Variants in TGFBRAP1 observed in about 807,000 individuals in gnomAD.
TGFBRAP1 encodes transforming growth factor-beta receptor-associated protein 1.
TGFBRAP1 carries 20 observed loss-of-function variants against 83.2 expected under a neutral mutation model. The observed-to-expected ratio is 0.24, with a 90% confidence interval of 0.17 to 0.35. The LOEUF (loss-of-function observed/expected upper bound fraction) is 0.35. Among genes scored for constraint, TGFBRAP1 ranks in the 10% least tolerant of loss-of-function variants. The probability of loss-of-function intolerance (pLI) is 1.00; values close to 1 mark genes in which losing one functional copy is unlikely to be tolerated. For synonymous variants in TGFBRAP1, 415 were observed against 459.8 expected, an observed-to-expected ratio of 0.90 and a Z score of 1.25; for missense variants, 950 against 1,099.4, an observed-to-expected ratio of 0.86 and a Z score of 1.92.
At chr2:105,325,795 C>T (rs563113461) in intron 1 of TGFBRAP1, among the ~76,000 whole-genome samples, 2 of 152,276 alleles carry the variant, frequency 1.3e-5, no homozygotes, top group Admixed American at 6.5e-5. Context: ...ATGCTGGTCC[C>T]GTGTTCTTCT....
intron 1 of TGFBRAP1, among the ~76,000 whole-genome samples, chr2:105,308,969 G>A (rs1358636305): frequency 1.3e-5 from 2 of 152,162 alleles, no homozygotes; most frequent in Admixed American, 6.5e-5. Context: ...CCTCAGCTCC[G>A]GAGTAAATGT....
At chr2:105,314,248 T>C (rs1258897009) in intron 1 of TGFBRAP1, among the ~76,000 whole-genome samples, 1 of 140,950 alleles carries the variant, frequency 7.1e-6, no homozygotes, top group East Asian at 2.3e-4. Context: ...TAGTACTTTC[T>C]CTTTTTTTTT....
chr2:105,302,080 T>C (rs1678319395), intron 2 of TGFBRAP1, among the ~76,000 whole-genome samples: 1 of 149,988 alleles, frequency 6.7e-6, no homozygotes, highest in Admixed American at 6.6e-5. Flanking sequence ...GTAAATGGCT[T>C]TTAAACGTGA....
chr2:105,322,995 T>C (rs917304527), intron 1 of TGFBRAP1, among the ~76,000 whole-genome samples: 1 of 151,978 alleles, frequency 6.6e-6, no homozygotes, highest in African/African-American at 2.4e-5. Context: ...GCCATATAAT[T>C]AGGAGAGAAA....
At chr2:105,272,048 G>A (rs892747343) in intron 10 of TGFBRAP1, among the ~76,000 whole-genome samples, 5 of 152,244 alleles carry the variant, frequency 3.3e-5, no homozygotes, top group East Asian at 3.9e-4. Flanking sequence ...GAGACAACAC[G>A]TGTGTTAGAT....
chr2:105,268,426 C>A (rs1677023569), intron 11 of TGFBRAP1, among the ~76,000 whole-genome samples: 1 of 152,148 alleles, frequency 6.6e-6, no homozygotes, highest in African/African-American at 2.4e-5. Context: ...TATGAGATGG[C>A]TTCACCAAGG....
chr2:105,321,168 A>T (rs1975291), intron 1 of TGFBRAP1, among the ~76,000 whole-genome samples: 3,918 of 150,080 alleles, frequency 0.026, 55 homozygotes, highest in African/African-American at 0.031. Context: ...TTATTTATTT[A>T]TTTTTTTTTT....
chr2:105,290,616 AGTGTGTGT>A (rs3060065), intron 4 of TGFBRAP1, among the ~76,000 whole-genome samples: 40 of 140,096 alleles, frequency 2.9e-4, no homozygotes, highest in African/African-American at 6.9e-4. Flanking sequence ...ACAGAGAGAC[AGTGTGTGT>A]GTGTGTGTGT....
At chr2:105,283,613 G>A (rs1321768655) in intron 5 of TGFBRAP1, among the ~76,000 whole-genome samples, 1 of 152,224 alleles carries the variant, frequency 6.6e-6, no homozygotes, top group African/African-American at 2.4e-5. Context: ...TCTGCAAAGA[G>A]TGCTGAGCAA....
chr2:105,310,889 G>A (rs960739052), intron 1 of TGFBRAP1, among the ~76,000 whole-genome samples: 1 of 152,086 alleles, frequency 6.6e-6, no homozygotes, highest in Non-Finnish European at 1.5e-5. Context: ...GGAGTAAGCA[G>A]TTCTGCCATT....
chr2:105,258,299 C>T, the TGFBRAP1 span, among the ~76,000 whole-genome samples: 5 of 152,236 alleles, frequency 3.3e-5, no homozygotes, highest in South Asian at 2.1e-4. Flanking sequence ...GACTGGGCCA[C>T]GGGATGCCCA....
In TGFBRAP1 at chr2:105,298,572, C is replaced by T. The variant is rs1222809204; in HGVS notation, c.822G>A (p.Leu274=). ...DDEFITVHSM[L]DQQQKQTLPF... ...GCAGCGTCTGCTTCTGTTGCTGATC[C>T]AACATGCTGTGGACTGTGATGAATT... Residue 274 remains leucine, a synonymous_variant, in exon 3 of 12, where the codon TTG becomes TTA. Transcript: ENST00000393359. 1.2e-6 allele frequency: 2 copies of T among 1,613,812 alleles called. No individual in the cohort carries two copies. Among genetic ancestry groups the T allele is most frequent in the Admixed American group, 1.7e-5 (1 of 59,990 alleles).
intron 1 of TGFBRAP1, among the ~76,000 whole-genome samples, chr2:105,320,213 A>G (rs1679015442): frequency 6.6e-6 from 1 of 152,226 alleles, no homozygotes; most frequent in South Asian, 2.1e-4. Context: ...CAGACTCTTC[A>G]GAAACCTATG....
chr2:105,269,416 C>T lies in TGFBRAP1; in HGVS notation c.2262G>A (p.Leu754=), dbSNP rs80243834. 1.2e-3 allele frequency: 1,937 copies of T among 1,614,022 alleles called. 41 individuals carry two copies. In the East Asian group the frequency reaches 0.037, roughly 31 times the overall value. Residue 754 remains leucine, a synonymous_variant, in exon 11 of 12, where the codon CTG becomes CTA. Coordinates refer to ENST00000393359, the MANE Select transcript of TGFBRAP1 (RefSeq NM_004257.6). The surrounding 1 kb of genome is among the most constrained non-coding windows in gnomAD (Gnocchi z 4.1). ...HATEFDAAQV[L]QMLPDTWSVQ... is the part of the protein sequence containing the mutation. ...CTGACCAGGTGTCAGGCAGCATCTG[C>T]AGCACCTGGGCTGCATCAAATTCGG...
chr2:105,319,206 G>A (rs779891007), intron 1 of TGFBRAP1, among the ~76,000 whole-genome samples: 56 of 151,840 alleles, frequency 3.7e-4, no homozygotes, highest in Non-Finnish European at 5.7e-4. Context: ...GATTACAGGC[G>A]TGCATCATTT....
intron 4 of TGFBRAP1, among the ~76,000 whole-genome samples, chr2:105,286,447 C>A (rs1341979569): frequency 6.6e-6 from 1 of 152,192 alleles, no homozygotes; most frequent in African/African-American, 2.4e-5. Flanking sequence ...AGCTATAAAA[C>A]CTGGAGCCAG....
chr2:105,272,855 C>T lies in TGFBRAP1; in HGVS notation c.1972G>A (p.Glu658Lys), dbSNP rs190079043. 2.1e-5 allele frequency: 34 copies of T among 1,606,882 alleles called. No homozygotes were observed. Among genetic ancestry groups the T allele is most frequent in the Non-Finnish European group, 2.7e-5 (32 of 1,179,686 alleles). The change falls in exon 10 of 12, where the codon GAG becomes AAG. Residue 658 changes from glutamate to lysine, a missense_variant and splice_region_variant. Glu to Lys is a moderately conservative substitution (Grantham distance 56, BLOSUM62 1). Coordinates refer to ENST00000393359, the MANE Select transcript of TGFBRAP1 (RefSeq NM_004257.6). The stretch of plus-strand genomic sequence containing the variant: ...GAGACAATACTGAGATCATCCTCAC[C>T]GAGAAGAAAGTGGACTCGGTATAAA... ...SDLYRVHFLL[E>K]RLQGAGLPME...
intron 1 of TGFBRAP1, among the ~76,000 whole-genome samples, chr2:105,317,846 G>A (rs1258622706): frequency 6.6e-6 from 1 of 152,140 alleles, no homozygotes; most frequent in African/African-American, 2.4e-5. Context: ...CCTTTCAATG[G>A]AGAGGAAACA....
chr2:105,264,642 T>C lies in TGFBRAP1; in HGVS notation c.*2741A>G, dbSNP rs1019744106. ...TCAGAGCTGGGACCCCGCAGCCACC[T>C]GCCTGTGCTCCGGAAGTGAGAAGCA... On this transcript the variant is annotated 3_prime_UTR_variant, in exon 12 of 12. Coordinates refer to ENST00000393359, the MANE Select transcript of TGFBRAP1 (RefSeq NM_004257.6). 1 of 152,264 alleles carries C rather than the reference T, an allele frequency of 6.6e-6. No individual in the cohort carries two copies. Among genetic ancestry groups the C allele is most frequent in the African/African-American group, 2.4e-5 (1 of 41,458 alleles). 9.4% of individuals were successfully genotyped at this position (152,264 alleles called of 1,614,324 possible).
Sources: gnomAD v4.1 joint callset for allele counts (sites outside exome capture counted in the v4.1 genomes callset) on GRCh38, gnomAD v4.1.1 for gene constraint, Gnocchi (gnomAD v3.1) non-coding constraint, MANE v1.5 for transcripts, NCBI Gene and HGNC (gene_info 2026-07-23, HGNC 2026-07-21) for gene names.